The following SLA variants were observed in gnomAD, a reference collection of about 807,000 sequenced individuals.
SLA encodes src-like-adapter.
SLA carries 16 observed loss-of-function variants against 30.3 expected under a neutral mutation model. The ratio of observed to expected loss-of-function variants is 0.53; its 90% CI spans 0.36 to 0.80. SLA has a LOEUF of 0.80. SLA is among the 30% of genes least tolerant of loss of function. The pLI is 0.01. For synonymous variants in SLA, 143 were observed against 137.8 expected (o/e 1.04, Z -0.26); for missense variants, 310 against 345.2 (o/e 0.90, Z 0.81).
chr8:133,069,097 G>T (rs779435503), intron 2 of SLA, among the ~76,000 whole-genome samples: 1 of 152,248 alleles, frequency 6.6e-6, no homozygotes, highest in Non-Finnish European at 1.5e-5. Flanking sequence ...TTCAAATGTG[G>T]ATACTTGAGA....
chr8:133,073,685 A>G (rs1844425227), intron 2 of SLA, among the ~76,000 whole-genome samples: 1 of 152,110 alleles, frequency 6.6e-6, no homozygotes, highest in African/African-American at 2.4e-5. Context: ...CACAATGACA[A>G]TTTAAAGACT....
At chr8:133,074,276 T>C (rs1844528808) in intron 2 of SLA, among the ~76,000 whole-genome samples, 2 of 152,184 alleles carry the variant, frequency 1.3e-5, no homozygotes, top group African/African-American at 4.8e-5. Flanking sequence ...AGAAGATGCA[T>C]ACAATCACAC....
intron 2 of SLA, among the ~76,000 whole-genome samples, chr8:133,065,244 G>C (rs547897062): frequency 3.3e-5 from 5 of 152,308 alleles, no homozygotes; most frequent in Admixed American, 6.5e-5. Context: ...TGTCCAGCCA[G>C]TATGTCCTGG....
At chr8:133,086,087 AAG>A (rs998199174) in intron 1 of SLA, among the ~76,000 whole-genome samples, 1 of 152,218 alleles carries the variant, frequency 6.6e-6, no homozygotes, top group Non-Finnish European at 1.5e-5. Context: ...GATGAAGTAA[AAG>A]AAGCCAGACA....
intron 3 of SLA, 96 bp from the exon 4 acceptor site, chr8:133,051,011 T>C: frequency 1.5e-5 from 10 of 676,072 alleles, no homozygotes; most frequent in East Asian, 2.7e-5. Flanking sequence ...AAGATGAGAT[T>C]TTCCAGCAGG....
chr8:133,046,050 G>A (rs1355053274), intron 6 of SLA, among the ~76,000 whole-genome samples: 4 of 152,192 alleles, frequency 2.6e-5, no homozygotes, highest in Admixed American at 6.5e-5. Context: ...CTTAAGCCTC[G>A]TTAGAGCAAT....
chr8:133,087,116 ACACACACG>A (rs1269362394), intron 1 of SLA, among the ~76,000 whole-genome samples: 46 of 118,460 alleles, frequency 3.9e-4, no homozygotes, highest in Admixed American at 3.5e-3. Flanking sequence ...ACACACACAC[ACACACACG>A]GAAGAGACAT....
At chr8:133,068,012 G>C (rs2739144) in intron 2 of SLA, among the ~76,000 whole-genome samples, 50,664 of 152,006 alleles carry the variant, frequency 0.33, 8,940 homozygotes, top group East Asian at 0.55. Context: ...ATGAAAGGGA[G>C]TAGCTGCCTG....
chr8:133,042,777 T>C (rs961566089), intron 7 of SLA, among the ~76,000 whole-genome samples: 100 of 137,126 alleles, frequency 7.3e-4, no homozygotes, highest in African/African-American at 2.6e-3. Context: ...CACTGCAACC[T>C]CTGCCTCCTG....
chr8:133,050,878 G>C lies in SLA; in HGVS notation c.99C>G (p.Tyr33Ter). 2 of 1,613,898 alleles carry C rather than the reference G, an allele frequency of 1.2e-6. No homozygotes were observed. The highest frequency in any genetic ancestry group is 1.7e-6 in the Non-Finnish European group (2 of 1,179,780). ...DSDFLAVLSD[Y>*]PSPDISPPIF... is the part of the protein sequence containing the mutation. ...TCGGGGGGCTGATGTCAGGAGACGG[G>C]TAGTCACTTAGCACGGCAAGGAAGT... is the stretch of plus-strand genomic sequence containing the variant. Residue 33 changes from tyrosine to a stop codon, truncating the protein, a stop_gained, in exon 4 of 9, where the codon TAC becomes TAG. Coordinates refer to ENST00000338087, the MANE Select transcript of SLA (RefSeq NM_001045556.3). LOFTEE classifies it high-confidence loss of function.
At chr8:133,096,209 C>A (rs2069568) in intron 1 of SLA, 1 of 1,614,042 alleles carries the variant, frequency 6.2e-7, no homozygotes, top group Non-Finnish European at 8.5e-7. Flanking sequence ...AATGCAGCTC[C>A]TGGCCGTGAG....
chr8:133,057,706 G>A (rs1841697214), intron 3 of SLA, among the ~76,000 whole-genome samples: 1 of 150,316 alleles, frequency 6.7e-6, no homozygotes, highest in Admixed American at 6.6e-5. Context: ...GTAGGTTTAA[G>A]ACATTAGTTC....
At chr8:133,071,498 T>G (rs533129148) in intron 2 of SLA, among the ~76,000 whole-genome samples, 1 of 152,298 alleles carries the variant, frequency 6.6e-6, no homozygotes, top group South Asian at 2.1e-4. Context: ...TTGTCATAGT[T>G]ATTCAGTAGG....
Position 133,092,682 on chromosome 8 carries a change from G to A in SLA, c.-319+9871C>T, listed in dbSNP as rs377205672. ...CTTCATCAGGGAGTGACACAGCTGG[G>A]GTTCAAACCGAGCCCTTCTGCCCCA... On this transcript the variant is annotated intron_variant, in intron 1 of 8. Coordinates refer to ENST00000338087, the MANE Select transcript of SLA (RefSeq NM_001045556.3). Among the ~76,000 whole-genome samples, 288 of 152,240 alleles carry A rather than the reference G, an allele frequency of 1.9e-3. 2 individuals are homozygous for A. Among genetic ancestry groups the A allele is most frequent in the African/African-American group, 6.7e-3 (277 of 41,536 alleles).
intron 2 of SLA, 81 bp from the exon 3 acceptor site, chr8:133,060,281 C>T (rs897041832): frequency 2.8e-5 from 45 of 1,593,624 alleles, no homozygotes; most frequent in Admixed American, 5.4e-5. Context: ...TAGAGAGCAT[C>T]GTGCATCATT....
At chr8:133,089,240 C>A (rs1847109620) in intron 1 of SLA, among the ~76,000 whole-genome samples, 1 of 152,218 alleles carries the variant, frequency 6.6e-6, no homozygotes, top group African/African-American at 2.4e-5. Context: ...ATTTCCAGTT[C>A]TCTTCTGTTC....
intron 2 of SLA, 150 bp from the exon 3 acceptor site, chr8:133,060,350 A>C (rs753437485): frequency 8.4e-6 from 13 of 1,545,484 alleles, no homozygotes; most frequent in Non-Finnish European, 1.1e-5. Flanking sequence ...AGATTGGTGA[A>C]GATTGGTTAC....
intron 1 of SLA, among the ~76,000 whole-genome samples, chr8:133,076,288 G>A (rs1844850600): frequency 6.6e-6 from 1 of 152,214 alleles, no homozygotes; most frequent in Non-Finnish European, 1.5e-5. Context: ...CGGTGACCCA[G>A]GCCCCAGTCC....
At chr8:133,053,640 A>T (rs1840835085) in intron 3 of SLA, among the ~76,000 whole-genome samples, 1 of 152,190 alleles carries the variant, frequency 6.6e-6, no homozygotes, top group African/African-American at 2.4e-5. Flanking sequence ...TTGAGGTTTG[A>T]TATCAAATTC....
Sources: allele counts gnomAD v4.1 joint callset (sites outside exome capture counted in the v4.1 genomes callset), GRCh38; gene constraint gnomAD v4.1.1; transcripts MANE v1.5; gene names NCBI Gene and HGNC (gene_info 2026-07-23, HGNC 2026-07-21).